The following CSMD1 variants were observed in gnomAD, a reference collection of about 807,000 sequenced individuals.
The protein encoded by CSMD1 is CUB and Sushi multiple domains 1.
CSMD1 carries 213 observed loss-of-function variants against 417.5 expected under a neutral mutation model. The ratio of observed to expected loss-of-function variants is 0.51; its 90% CI spans 0.46 to 0.57. CSMD1 has a LOEUF of 0.57. Ranked by LOEUF, CSMD1 falls within the 20% of genes least tolerant of loss-of-function variation. The pLI, the probability that CSMD1 is intolerant of heterozygous loss-of-function variation, is 0.00. For missense variants in CSMD1, 6,923 were observed against 4,529.7 expected (o/e 1.53, Z -15.17); for synonymous variants, 2,862 against 1,736.8 (o/e 1.65, Z -16.11).
chr8:4,337,129 G>A (rs140095670), intron 3 of CSMD1, among the ~76,000 whole-genome samples: 2,273 of 152,182 alleles, frequency 0.015, 27 homozygotes, highest in Middle Eastern at 0.034. Flanking sequence ...GCATTTAAGT[G>A]GGATCTTCTG....
At chr8:3,387,266 C>G (rs1364244786) in intron 18 of CSMD1, among the ~76,000 whole-genome samples, 1 of 152,162 alleles carries the variant, frequency 6.6e-6, no homozygotes, top group African/African-American at 2.4e-5. Flanking sequence ...TAAGTTTGTT[C>G]ATTCGGGGAT....
intron 10 of CSMD1, among the ~76,000 whole-genome samples, chr8:3,560,068 G>T (rs978313637): frequency 1.3e-5 from 2 of 152,016 alleles, no homozygotes; most frequent in East Asian, 1.9e-4. Context: ...TTTTTTTCTG[G>T]ATCTGTTCAC....
At chr8:3,151,212 T>C (rs144587908) in intron 40 of CSMD1, 185 bp downstream of exon 40, 34 of 518,566 alleles carry the variant, frequency 6.6e-5, no homozygotes, top group African/African-American at 4.6e-4. Context: ...CATGGCTTAA[T>C]TGATTTTTCA....
chr8:4,495,485 G>A (rs910637278), intron 2 of CSMD1, among the ~76,000 whole-genome samples: 1 of 152,062 alleles, frequency 6.6e-6, no homozygotes, highest in African/African-American at 2.4e-5. Context: ...TGAAGTAGGA[G>A]AATTGCTTGA....
At chr8:4,203,427 A>G (rs371777823) in intron 3 of CSMD1, among the ~76,000 whole-genome samples, 61 of 152,280 alleles carry the variant, frequency 4.0e-4, no homozygotes, top group Middle Eastern at 6.8e-3. Context: ...GTAATATCTC[A>G]CAGCAGCCAG....
At chr8:4,023,610 G>A (rs1436487943) in intron 4 of CSMD1, among the ~76,000 whole-genome samples, 3 of 145,744 alleles carry the variant, frequency 2.1e-5, no homozygotes, top group Non-Finnish European at 4.5e-5. Context: ...TTCCTGACAC[G>A]GAGTCTCGCT....
At chr8:3,010,960 T>TTG (rs1808340534) in intron 52 of CSMD1, among the ~76,000 whole-genome samples, 1 of 152,082 alleles carries the variant, frequency 6.6e-6, no homozygotes, top group Non-Finnish European at 1.5e-5. Flanking sequence ...ACTCCTGACC[T>TTG]CGTGATCTGC....
chr8:3,871,547 T>C (rs1164960715), intron 5 of CSMD1, among the ~76,000 whole-genome samples: 2 of 152,150 alleles, frequency 1.3e-5, no homozygotes, highest in African/African-American at 4.8e-5. Flanking sequence ...TTTTTCTTAG[T>C]CTATTAGGTT....
intron 3 of CSMD1, among the ~76,000 whole-genome samples, chr8:4,097,987 G>T (rs552529321): frequency 6.6e-6 from 1 of 152,148 alleles, no homozygotes; most frequent in Admixed American, 6.5e-5. Context: ...CTGTGGATCA[G>T]ATGGAAATGA....
chr8:4,542,637 G>C (rs1346005534), intron 2 of CSMD1, among the ~76,000 whole-genome samples: 1 of 152,158 alleles, frequency 6.6e-6, no homozygotes, highest in Non-Finnish European at 1.5e-5. Context: ...CAATGCAAGA[G>C]AATGGAGATT....
intron 1 of CSMD1, among the ~76,000 whole-genome samples, chr8:4,834,807 A>G (rs902798714): frequency 2.6e-5 from 4 of 151,600 alleles, no homozygotes; most frequent in Non-Finnish European, 5.9e-5. Context: ...ACACAAAAAA[A>G]TTAGCCGGGC....
intron 3 of CSMD1, among the ~76,000 whole-genome samples, chr8:4,038,088 C>G (rs1797709065): frequency 6.6e-6 from 1 of 151,894 alleles, no homozygotes; most frequent in South Asian, 2.1e-4. Context: ...AATAACTCAG[C>G]AAATGGGAAA....
At chr8:4,867,593 G>T (rs564006369) in intron 1 of CSMD1, among the ~76,000 whole-genome samples, 5 of 151,968 alleles carry the variant, frequency 3.3e-5, no homozygotes, top group East Asian at 1.9e-4. Context: ...TTTCATCAGC[G>T]CTGTATTTTT....
intron 51 of CSMD1, among the ~76,000 whole-genome samples, chr8:3,025,795 T>C (rs75133656): frequency 0.049 from 7,456 of 152,342 alleles, 188 homozygotes; most frequent in East Asian, 0.071. Context: ...TGAATCCTTA[T>C]TGTTCATAAA....
rs186617566 is a variant in CSMD1, at chr8:3,346,483, C to G, written c.3474+1509G>C. Among the ~76,000 whole-genome samples the G allele has an allele frequency of 1.9e-3, 288 of 152,302 alleles. 1 individual carries two copies. The highest frequency in any genetic ancestry group is 6.6e-3 in the African/African-American group (275 of 41,574). On this transcript the variant is annotated intron_variant, in intron 22 of 69. Transcript: ENST00000635120. ...GTGCTAGTTTCCTGCCTAAAAACCA[C>G]TTCTTCATGACAGTCCCTCATACTG...
intron 1 of CSMD1, among the ~76,000 whole-genome samples, chr8:4,778,627 G>A (rs908932642): frequency 2.6e-5 from 4 of 152,124 alleles, no homozygotes; most frequent in Admixed American, 2.6e-4. Flanking sequence ...TACCACTATT[G>A]ACCCTCTGAC....
chr8:3,303,869 T>TATAGCATACATGTTA (rs1804603741), intron 25 of CSMD1, among the ~76,000 whole-genome samples: 1 of 152,148 alleles, frequency 6.6e-6, no homozygotes, highest in Admixed American at 6.5e-5. Context: ...GTAACTGCTC[T>TATAGCATACATGTTA]ATAGCATACA....
At chr8:4,794,385 T>A (rs1472232563) in intron 1 of CSMD1, among the ~76,000 whole-genome samples, 1 of 152,174 alleles carries the variant, frequency 6.6e-6, no homozygotes, top group Non-Finnish European at 1.5e-5. Context: ...AACATCCCCA[T>A]TAGAAAATCA....
intron 54 of CSMD1, among the ~76,000 whole-genome samples, chr8:2,997,366 T>C (rs960430541): frequency 6.6e-6 from 1 of 152,204 alleles, no homozygotes; most frequent in Admixed American, 6.5e-5. Context: ...GTGGGAGCCC[T>C]AGGATAAGAG....
Sources: gnomAD v4.1 joint callset for allele counts (sites outside exome capture counted in the v4.1 genomes callset) on GRCh38, gnomAD v4.1.1 for gene constraint, MANE v1.5 for transcripts, NCBI Gene and HGNC (gene_info 2026-07-23, HGNC 2026-07-21) for gene names.